COL10A1: variants seen among roughly 807,000 people sequenced by gnomAD.
COL10A1 encodes collagen alpha-1(X) chain.
A neutral mutation model predicts 18.2 loss-of-function variants in COL10A1; 10 were observed. The observed-to-expected ratio is 0.55, with a 90% CI of 0.34 to 0.93. The LOEUF is 0.93. Among genes scored for constraint, COL10A1 ranks in the 40% least tolerant of loss-of-function variants. The pLI is 0.02. For synonymous variants in COL10A1, 330 were observed against 316.6 expected (o/e 1.04, Z -0.45); for missense variants, 897 against 853.5 (o/e 1.05, Z -0.64).
intron 1 of COL10A1, among the ~76,000 whole-genome samples, chr6:116,139,513 G>C (rs1048379256): frequency 6.6e-6 from 1 of 152,076 alleles, no homozygotes; most frequent in Non-Finnish European, 1.5e-5. Context: ...ACAGTGTAAT[G>C]ATATTGAACT....
At chr6:116,189,956 G>T in the COL10A1 span, among the ~76,000 whole-genome samples, 1 of 152,028 alleles carries the variant, frequency 6.6e-6, no homozygotes, top group East Asian at 1.9e-4. Flanking sequence ...AATGTTTGTT[G>T]TTCTTTTACT....
At chr6:116,202,438 G>A in the COL10A1 span, among the ~76,000 whole-genome samples, 112 of 152,010 alleles carry the variant, frequency 7.4e-4, no homozygotes, top group Non-Finnish European at 1.5e-3. Flanking sequence ...TAGGGGAAAC[G>A]AGGAAACAAT....
At chr6:116,158,246 G>A (rs1037340732) in intron 1 of COL10A1, among the ~76,000 whole-genome samples, 1 of 85,376 alleles carries the variant, frequency 1.2e-5, no homozygotes, top group Non-Finnish European at 2.6e-5. Flanking sequence ...GAGTAGTTTA[G>A]TGTGCTACCT....
At chr6:116,139,852 A>C (rs1409896442) in intron 1 of COL10A1, among the ~76,000 whole-genome samples, 1 of 152,176 alleles carries the variant, frequency 6.6e-6, no homozygotes, top group Non-Finnish European at 1.5e-5. Flanking sequence ...CTAGTACAGC[A>C]CTTGAGTCTT....
At chr6:116,160,563 C>T (rs977582760), upstream of COL10A1, among the ~76,000 whole-genome samples, 3 of 152,050 alleles carry the variant, frequency 2.0e-5, no homozygotes, top group Admixed American at 6.5e-5. Flanking sequence ...TTCTCTCATT[C>T]TGTATATTGT....
In COL10A1 at chr6:116,120,021, G is replaced by C. The variant is rs1326936448; in HGVS notation, c.*52C>G. ...CATATGCATTTTGTAGGGTGGGGTA[G>C]AGTTAGAGAATGCTTTTTCTAGCAC... On this transcript the variant is annotated 3_prime_UTR_variant, in exon 3 of 3. Coordinates refer to ENST00000651968, the MANE Select transcript of COL10A1 (RefSeq NM_000493.4). 6.9e-6 allele frequency: 10 copies of C among 1,446,834 alleles called. No homozygotes were observed. The highest frequency in any genetic ancestry group is 3.4e-5 in the Admixed American group (2 of 59,692). 89.6% of individuals were successfully genotyped at this position (1,446,834 alleles called of 1,614,324 possible). A position where few individuals can be genotyped will look rare whatever the true frequency, so the allele number is the denominator to read the frequency against.
At chr6:116,176,912 G>A in the COL10A1 span, among the ~76,000 whole-genome samples, 1 of 152,044 alleles carries the variant, frequency 6.6e-6, no homozygotes, top group Non-Finnish European at 1.5e-5. Context: ...ATATGAAAGG[G>A]GCCCTTTTTT....
chr6:116,122,035 A>G (rs1484865085), intron 2 of COL10A1, 74 bp from the exon 3 acceptor site: 15 of 1,291,140 alleles, frequency 1.2e-5, no homozygotes, highest in Non-Finnish European at 1.7e-5. Flanking sequence ...ATTGCCTTTC[A>G]AACTATGAAT....
In COL10A1 at chr6:116,121,620, C is replaced by T. The variant is rs1779130988; in HGVS notation, c.496G>A (p.Ala166Thr). 8.7e-6 allele frequency: 14 copies of T among 1,613,968 alleles called. No individual in the cohort carries two copies. Among genetic ancestry groups the T allele is most frequent in the Non-Finnish European group, 1.1e-5 (13 of 1,179,868 alleles). Residue 166 changes from alanine (A) to threonine (T), a missense_variant, in exon 3 of 3, where the codon GCC (alanine) becomes ACC (threonine). Ala to Thr is a moderately conservative substitution (Grantham distance 58). Transcript: ENST00000651968. The stretch of plus-strand genomic sequence containing the variant: ...CCAGGAAAGCCCCTGGGTCCTGGGG[C>T]TCCTGTGGGTCCCTGTTGTCCAGGT... ...GKPGQQGPTGAPGPRGFPGEK... is the reference protein window; with the variant it reads ...GKPGQQGPTGTPGPRGFPGEK...
chr6:116,181,257 G>A, the COL10A1 span, among the ~76,000 whole-genome samples: 5 of 151,614 alleles, frequency 3.3e-5, no homozygotes, highest in African/African-American at 9.7e-5. Context: ...GTAAACATTA[G>A]GTAAATTACT....
chr6:116,214,821 A>T, the COL10A1 span, among the ~76,000 whole-genome samples: 9 of 133,860 alleles, frequency 6.7e-5, no homozygotes, highest in Admixed American at 5.7e-4. Flanking sequence ...AAAGTATAAT[A>T]AAAAAAAAAA....
At chr6:116,142,662 T>G (rs1044973382) in intron 1 of COL10A1, among the ~76,000 whole-genome samples, 5 of 152,164 alleles carry the variant, frequency 3.3e-5, no homozygotes, top group Non-Finnish European at 7.4e-5. Flanking sequence ...CTTAAAGCAG[T>G]CGATGGCAGT....
At chr6:116,196,464 G>A in the COL10A1 span, among the ~76,000 whole-genome samples, 1 of 151,796 alleles carries the variant, frequency 6.6e-6, no homozygotes, top group East Asian at 1.9e-4. Context: ...ACCATTATTA[G>A]TGATTAGTTT....
chr6:116,136,081 T>C (rs972120717), intron 1 of COL10A1, among the ~76,000 whole-genome samples: 4 of 152,020 alleles, frequency 2.6e-5, no homozygotes, highest in Non-Finnish European at 5.9e-5. Context: ...TTGAAAAACA[T>C]CTCCCTGTGA....
the COL10A1 span, among the ~76,000 whole-genome samples, chr6:116,178,098 C>T: frequency 0.047 from 4,395 of 93,424 alleles, 101 homozygotes; most frequent in South Asian, 0.071. Flanking sequence ...TGCGCGCGCG[C>T]GCGCGTGCGT....
the COL10A1 span, among the ~76,000 whole-genome samples, chr6:116,191,275 G>A: frequency 6.6e-6 from 1 of 151,988 alleles, no homozygotes; most frequent in Non-Finnish European, 1.5e-5. Context: ...AGGACAAGTT[G>A]CTTCAAGATG....
the COL10A1 span, among the ~76,000 whole-genome samples, chr6:116,216,627 A>G: frequency 2.0e-5 from 3 of 152,006 alleles, no homozygotes; most frequent in Non-Finnish European, 4.4e-5. Context: ...CACAATCTAG[A>G]TATTCTAGAT....
At chr6:116,195,796 A>G in the COL10A1 span, among the ~76,000 whole-genome samples, 5 of 152,214 alleles carry the variant, frequency 3.3e-5, no homozygotes, top group African/African-American at 1.2e-4. Flanking sequence ...TAATGTGCAC[A>G]GAACAGATGG....
intron 1 of COL10A1, among the ~76,000 whole-genome samples, chr6:116,155,353 T>C (rs1306147705): frequency 6.6e-6 from 1 of 152,130 alleles, no homozygotes; most frequent in Non-Finnish European, 1.5e-5. Flanking sequence ...CACTTTATAG[T>C]AGTGGTTTTT....
Sources: allele counts gnomAD v4.1 joint callset (sites outside exome capture counted in the v4.1 genomes callset), GRCh38; gene constraint gnomAD v4.1.1; transcripts MANE v1.5; gene names NCBI Gene and HGNC (gene_info 2026-07-23, HGNC 2026-07-21).